The following ZNF875 variants were observed in gnomAD, a reference collection of about 807,000 sequenced individuals.
ZNF875 encodes the protein zinc finger protein 875, also known as HKR1, GLI-Kruppel zinc finger family member.
In ZNF875, 14 loss-of-function variants were observed where a neutral mutation model predicts 11.2. The observed-to-expected ratio is 1.26, with a 90% CI of 0.83 to 1.96. The LOEUF is 1.96. ZNF875 is among the 30% of genes most tolerant of loss of function. ZNF875 has a pLI of 0.00. For missense variants in ZNF875, 752 were observed against 760.4 expected, an observed-to-expected ratio of 0.99 and a Z score of 0.13; for synonymous variants, 301 against 281.1, an observed-to-expected ratio of 1.07 and a Z score of -0.71.
Position 37,363,280 on chromosome 19 carries a change from G to C in ZNF875, c.1428G>C (p.Lys476Asn), listed in dbSNP as rs1325894370. The change falls in exon 5 of 5, where the codon AAG (lysine) becomes AAC (asparagine). Residue 476 changes from lysine (K) to asparagine (N), a missense_variant. Physicochemically the swap from Lys to Asn is moderately conservative, Grantham distance 94. Transcript: ENST00000392153. The part of the protein sequence containing the change: ...NKHQRSHTGE[K>N]PFVCTECGRG... ...ACCAGAGGTCACACACGGGGGAGAA[G>C]CCATTTGTATGTACGGAGTGTGGGC... is the stretch of plus-strand genomic sequence containing the variant. The C allele has an allele frequency of 6.2e-7, 1 of 1,613,512 alleles. No homozygotes were observed. Among genetic ancestry groups the C allele is most frequent in the Non-Finnish European group, 8.5e-7 (1 of 1,179,700 alleles).
intron 2 of ZNF875, among the ~76,000 whole-genome samples, chr19:37,340,725 T>C (rs1418071137): frequency 6.9e-6 from 1 of 144,740 alleles, no homozygotes; most frequent in African/African-American, 2.6e-5. Context: ...CTCAGCTCAC[T>C]GCAAGCTCCG....
At chr19:37,361,383 A>G (rs1410426999) in intron 4 of ZNF875, among the ~76,000 whole-genome samples, 1 of 152,168 alleles carries the variant, frequency 6.6e-6, no homozygotes, top group Admixed American at 6.5e-5. Context: ...TGTTGGGACT[A>G]CAGGCGTCAT....
chr19:37,320,237 A>G (rs1404727554), intron 1 of ZNF875, among the ~76,000 whole-genome samples: 1 of 152,234 alleles, frequency 6.6e-6, no homozygotes, highest in Non-Finnish European at 1.5e-5. Context: ...AGAAGGGCCC[A>G]TGAATGAAAT....
rs1568670946 is a variant in ZNF875 at position 37,362,992 on chromosome 19, C to T, written c.1140C>T (p.His380=). The T allele has an allele frequency of 6.2e-6, 10 of 1,614,152 alleles. No homozygotes were observed. The highest frequency in any genetic ancestry group is 8.5e-6 in the Non-Finnish European group (10 of 1,180,030). The change falls in exon 5 of 5, where the codon CAC becomes CAT. Residue 380 remains histidine (H), a synonymous_variant. Transcript: ENST00000392153. ...GGCGTGGCTTTCGCCAGCATTCACA[C>T]CTGGTCAGACACAAGAGGACACATT... ...ECGRGFRQHS[H]LVRHKRTHSG...
chr19:37,315,656 T>C (rs1364426318), upstream of ZNF875: 1 of 152,108 alleles, frequency 6.6e-6, no homozygotes, highest in Non-Finnish European at 1.5e-5. Flanking sequence ...GCAGACAGAC[T>C]GGGAAAGAAG....
At chr19:37,316,163 G>A (rs1401526923), upstream of ZNF875, among the ~76,000 whole-genome samples, 1 of 152,162 alleles carries the variant, frequency 6.6e-6, no homozygotes, top group Non-Finnish European at 1.5e-5. Context: ...GAAAATGCCT[G>A]CAAAACACTG....
chr19:37,358,457 TA>T (rs1351986166), intron 4 of ZNF875: 2 of 152,204 alleles, frequency 1.3e-5, no homozygotes, highest in Non-Finnish European at 2.9e-5. Context: ...TAATCCTGTT[TA>T]TGTGATGAAT....
chr19:37,338,641 G>A (rs927923402), intron 2 of ZNF875, among the ~76,000 whole-genome samples: 8 of 152,218 alleles, frequency 5.3e-5, no homozygotes, highest in Admixed American at 5.2e-4. Context: ...AAGGGCATGA[G>A]CATTTAAATA....
intron 1 of ZNF875, among the ~76,000 whole-genome samples, chr19:37,319,341 C>CATCAGCCAAGTTTAG (rs2030819714): frequency 3.6e-5 from 2 of 55,048 alleles, no homozygotes; most frequent in Admixed American, 2.3e-4. Context: ...CCACTGCAGC[C>CATCAGCCAAGTTTAG]GGCATATATA....
intron 1 of ZNF875, among the ~76,000 whole-genome samples, chr19:37,318,760 A>T (rs2145622132): frequency 6.6e-6 from 1 of 152,042 alleles, no homozygotes; most frequent in Non-Finnish European, 1.5e-5. Flanking sequence ...TGACCTCGTG[A>T]TCCTCCCGCC....
intron 2 of ZNF875, among the ~76,000 whole-genome samples, chr19:37,340,393 C>CA (rs1414619831): frequency 6.6e-6 from 1 of 152,200 alleles, no homozygotes; most frequent in Non-Finnish European, 1.5e-5. Flanking sequence ...TGAAAGCTCA[C>CA]ATAGTATCCT....
chr19:37,362,196 A>C lies in ZNF875; in HGVS notation c.344A>C (p.His115Pro). 6.2e-7 allele frequency: 1 copy of C among 1,614,104 alleles called. No homozygotes were observed. Among genetic ancestry groups the C allele is most frequent in the Non-Finnish European group, 8.5e-7 (1 of 1,179,982 alleles). ...QALSQHVWLS[H>P]LSQLFSSLWA... ...CTCAGCCAACATGTGTGGCTGAGTC[A>C]TCTCTCTCAGCTGTTTTCAAGTTTA... Residue 115 changes from histidine (H) to proline (P), a missense_variant, in exon 5 of 5, where the codon CAT becomes CCT. Transcript: ENST00000392153.
intron 1 of ZNF875, among the ~76,000 whole-genome samples, chr19:37,318,550 C>A (rs1303368926): frequency 6.8e-6 from 1 of 148,080 alleles, no homozygotes; most frequent in South Asian, 2.1e-4. Context: ...GAGACAGAGT[C>A]TCGCTCTGTC....
At chr19:37,327,956 G>A (rs7258912) in intron 4 of ZNF875, among the ~76,000 whole-genome samples, 6,634 of 151,434 alleles carry the variant, frequency 0.044, 198 homozygotes, top group Non-Finnish European at 0.064. Context: ...AGAAGGGGCG[G>A]AAAGACCAGG....
upstream of ZNF875, among the ~76,000 whole-genome samples, chr19:37,331,209 G>A (rs2033330146): frequency 7.8e-6 from 1 of 128,732 alleles, no homozygotes; most frequent in Non-Finnish European, 1.6e-5. Context: ...AAAAAAAAGT[G>A]TATAGAGCTA....
At chr19:37,323,952 G>T (rs2031982408) in intron 3 of ZNF875, among the ~76,000 whole-genome samples, 1 of 152,228 alleles carries the variant, frequency 6.6e-6, no homozygotes. Context: ...TGGATCAGGA[G>T]TGGAAACATT....
chr19:37,352,568 C>G (rs1344075747), intron 4 of ZNF875, among the ~76,000 whole-genome samples: 1 of 152,052 alleles, frequency 6.6e-6, no homozygotes, highest in Non-Finnish European at 1.5e-5. Flanking sequence ...AATATTTACT[C>G]TTTCCGTGGC....
Position 37,350,535 on chromosome 19 carries a change from A to G in ZNF875, c.256+2663A>G, listed in dbSNP as rs181908158. Among the ~76,000 whole-genome samples the G allele has an allele frequency of 8.5e-5, 13 of 152,288 alleles. No individual in the cohort carries two copies. In the East Asian group the frequency reaches 2.5e-3, roughly 29 times the overall value. ...AGTACATTTCAAAACCAGGTAACTGACATTGGTACAGTACTATTGAGTAAA... is the reference window on the plus strand; with the variant it reads ...AGTACATTTCAAAACCAGGTAACTGGCATTGGTACAGTACTATTGAGTAAA... On this transcript the variant is annotated intron_variant, in intron 4 of 4. Transcript: ENST00000392153.
At chr19:37,315,108 T>C (rs1368488223), upstream of ZNF875, 4 of 152,288 alleles carry the variant, frequency 2.6e-5, no homozygotes, top group African/African-American at 9.6e-5. Context: ...CTATTTTGGA[T>C]ATTTTATTTA....
Sources: allele counts gnomAD v4.1 joint callset (sites outside exome capture counted in the v4.1 genomes callset), GRCh38; gene constraint gnomAD v4.1.1; transcripts MANE v1.5; gene names NCBI Gene and HGNC (gene_info 2026-07-23, HGNC 2026-07-21).